Variants in STT3B observed in about 807,000 individuals in gnomAD.
STT3B encodes STT3 oligosaccharyltransferase complex catalytic subunit B, also known as dolichyl-diphosphooligosaccharide--protein glycosyltransferase subunit STT3B.
In STT3B, 29 loss-of-function variants were observed where a neutral mutation model predicts 96.8. The observed-to-expected ratio is 0.30, with a 90% CI of 0.22 to 0.41. STT3B has a LOEUF of 0.41. Ranked by LOEUF, STT3B falls within the 10% of genes least tolerant of loss-of-function variation. The pLI, the probability that STT3B is intolerant of heterozygous loss-of-function variation, is 1.00. For missense variants in STT3B, 640 were observed against 1,022.3 expected, an observed-to-expected ratio of 0.63 and a Z score of 5.10; for synonymous variants, 367 against 360.0, an observed-to-expected ratio of 1.02 and a Z score of -0.22.
intron 1 of STT3B, among the ~76,000 whole-genome samples, chr3:31,536,889 G>T (rs938756582): frequency 1.1e-4 from 16 of 152,162 alleles, no homozygotes; most frequent in African/African-American, 3.6e-4. Context: ...TATTTTTATT[G>T]TAAGAGATAA....
rs1014856045 is a variant in STT3B, at chr3:31,616,993, A to G, written c.1041A>G (p.Gln347=). ...ATCTGAGAGACCGATTAACAAAACA[A>G]GAGTTCCAGACCCTTTTCTTTTTGG... ...LQYLRDRLTK[Q]EFQTLFFLGV... The change falls in exon 7 of 16, where the codon CAA becomes CAG. Residue 347 remains glutamine (Q), a synonymous_variant. Transcript: ENST00000295770. 1.2e-6 allele frequency: 2 copies of G among 1,612,074 alleles called. No homozygotes were observed. Among genetic ancestry groups the G allele is most frequent in the Non-Finnish European group, 1.7e-6 (2 of 1,178,550 alleles).
At chr3:31,611,871 CTA>C (rs1699187708) in intron 5 of STT3B, among the ~76,000 whole-genome samples, 2 of 151,962 alleles carry the variant, frequency 1.3e-5, no homozygotes, top group South Asian at 2.1e-4. Context: ...TTCTTATTTT[CTA>C]TGTCTTAAAA....
At chr3:31,606,259 C>G (rs1248390882) in intron 5 of STT3B, among the ~76,000 whole-genome samples, 1 of 152,162 alleles carries the variant, frequency 6.6e-6, no homozygotes. Flanking sequence ...AAGCAGGCTG[C>G]AGAAATATGT....
At chr3:31,598,592 A>G (rs1244333970) in intron 4 of STT3B, among the ~76,000 whole-genome samples, 2 of 152,208 alleles carry the variant, frequency 1.3e-5, no homozygotes, top group Non-Finnish European at 2.9e-5. Context: ...GAAGAAATAA[A>G]TCCCTGTAGT....
chr3:31,537,619 C>T (rs913270803), intron 1 of STT3B, among the ~76,000 whole-genome samples: 16 of 152,136 alleles, frequency 1.1e-4, no homozygotes, highest in Non-Finnish European at 1.8e-4. Context: ...TTTCCTTCCC[C>T]CTTTATGGTT....
intron 1 of STT3B, among the ~76,000 whole-genome samples, chr3:31,562,102 C>T (rs768025306): frequency 9.9e-5 from 15 of 152,084 alleles, no homozygotes; most frequent in Non-Finnish European, 1.6e-4. Flanking sequence ...TGCATCCAGG[C>T]TGATTTTAGG....
chr3:31,611,256 T>A (rs1319480000), intron 5 of STT3B, among the ~76,000 whole-genome samples: 1 of 152,180 alleles, frequency 6.6e-6, no homozygotes, highest in Non-Finnish European at 1.5e-5. Context: ...CCCCACCAAA[T>A]GTCACATGAC....
Position 31,586,525 on chromosome 3 carries a change from G to A in STT3B, c.711+6429G>A, listed in dbSNP as rs1009890812. On this transcript the variant is annotated intron_variant, in intron 3 of 15. Transcript: ENST00000295770. ...TACTTATAGAAATTAAATAGTTTTAGGTTTAACAGTCAGGTCTGTCATCTA... is the reference window on the plus strand; with the variant it reads ...TACTTATAGAAATTAAATAGTTTTAAGTTTAACAGTCAGGTCTGTCATCTA... Among the ~76,000 whole-genome samples, 4 of 151,890 alleles carry A rather than the reference G, an allele frequency of 2.6e-5. No individual in the cohort carries two copies. In the East Asian group the frequency reaches 7.7e-4, roughly 29 times the overall value.
chr3:31,596,800 A>G lies in STT3B; in HGVS notation c.714A>G (p.Val238=), dbSNP rs1273871917. 2 of 1,609,090 alleles carry G rather than the reference A, an allele frequency of 1.2e-6. No individual in the cohort carries two copies. The highest frequency in any genetic ancestry group is 1.7e-6 in the Non-Finnish European group (2 of 1,176,532). ...FALQFTYYLW[V]KSVKTGSVFW... is the part of the protein sequence containing the mutation. ...TATCAGTTGCTTTTGTTTTTTAGGT[A>G]AAATCTGTAAAAACTGGGTCAGTTT... The change falls in exon 4 of 16, where the codon GTA becomes GTG. Residue 238 remains valine, a splice_region_variant and synonymous_variant. Coordinates refer to ENST00000295770, the MANE Select transcript of STT3B (RefSeq NM_178862.3).
chr3:31,533,227 C>T lies in STT3B; in HGVS notation c.229C>T (p.Leu77Phe). 2 of 1,486,158 alleles carry T rather than the reference C, an allele frequency of 1.3e-6. No individual in the cohort carries two copies. The highest frequency in any genetic ancestry group is 1.8e-6 in the Non-Finnish European group (2 of 1,114,832). The allele number at this position is 1,486,158 out of a possible 1,614,324, so 92.1% of individuals were successfully genotyped here. The change falls in exon 1 of 16, where the codon CTC becomes TTC. Residue 77 changes from leucine to phenylalanine, a missense_variant. Physicochemically the swap from Leu to Phe is conservative, Grantham distance 22. This residue lies in a region of STT3B where 267 missense variants were observed against 388.3 expected (regional missense o/e 0.69). Coordinates refer to ENST00000295770, the MANE Select transcript of STT3B (RefSeq NM_178862.3). ...GWQSLLSFTI[L>F]FLAWLAGFSS... ...GCAGTCGCTTCTCTCCTTCACCATC[C>T]TCTTCCTGGCCTGGCTTGCCGGCTT...
rs184695771 is a variant in STT3B at position 31,565,556 on chromosome 3, T to C, written c.315-10840T>C. Among the ~76,000 whole-genome samples, 795 of 152,326 alleles carry C rather than the reference T, an allele frequency of 5.2e-3. 8 individuals carry two copies. Among genetic ancestry groups the C allele is most frequent in the Admixed American group, 0.019 (287 of 15,300 alleles). On this transcript the variant is annotated intron_variant, in intron 1 of 15. Transcript: ENST00000295770. The stretch of plus-strand genomic sequence containing the variant: ...GAGAAGAGTTCAGTTATCTGAAGAT[T>C]GACAGTGGTTGAATTGGTTAATATA...
intron 9 of STT3B, chr3:31,620,274 CAAA>C (rs536047611): frequency 6.2e-5 from 5 of 81,048 alleles, no homozygotes; most frequent in South Asian, 4.0e-4. Context: ...GACTCTGTCT[CAAA>C]AAAAAAAAAA....
rs183149977 is a variant in STT3B, at chr3:31,620,727, A to G, written c.1327+897A>G. ...TGCTGTGGTTGTTTTGTATGAGATA[A>G]AAACTGAAACTGAGAAAAACTTTAT... On this transcript the variant is annotated intron_variant, in intron 9 of 15. Coordinates refer to ENST00000295770, the MANE Select transcript of STT3B (RefSeq NM_178862.3). 2.6e-5 allele frequency among the ~76,000 whole-genome samples: 4 copies of G among 152,332 alleles called. No homozygotes were observed. The East Asian group carries it at 7.7e-4, about 29-fold the overall frequency.
chr3:31,581,593 TTGCTAGTATTTTCCTAAGGATTTA>T (rs1408732202), intron 3 of STT3B, among the ~76,000 whole-genome samples: 1 of 152,148 alleles, frequency 6.6e-6, no homozygotes, highest in Non-Finnish European at 1.5e-5. Context: ...TGAATTTGGT[TTGCTAGTATTTTCCTAAGGATTTA>T]TGCATCTGTG....
intron 1 of STT3B, among the ~76,000 whole-genome samples, chr3:31,551,811 C>T (rs958587982): frequency 1.3e-5 from 2 of 152,138 alleles, no homozygotes; most frequent in African/African-American, 4.8e-5. Context: ...CTTTGTCTTA[C>T]CAGTAGACTT....
At chr3:31,574,005 A>G (rs1215545798) in intron 1 of STT3B, among the ~76,000 whole-genome samples, 1 of 152,158 alleles carries the variant, frequency 6.6e-6, no homozygotes, top group Admixed American at 6.6e-5. Context: ...TATAAAATGG[A>G]AAGTGAAAAA....
chr3:31,548,494 A>C lies in STT3B; in HGVS notation c.314+15182A>C, dbSNP rs547424849. ...ATTCTCAAAATAAATTTTAAAATAG[A>C]GTATACCAAACATGCTATTCTCTGA... On this transcript the variant is annotated intron_variant, in intron 1 of 15. Transcript: ENST00000295770. Among the ~76,000 whole-genome samples the C allele has an allele frequency of 1.4e-4, 22 of 152,328 alleles. No individual in the cohort carries two copies. The South Asian group carries it at 2.7e-3, about 19-fold the overall frequency.
At chr3:31,633,380 C>T (rs1699700899) in intron 15 of STT3B, among the ~76,000 whole-genome samples, 1 of 152,180 alleles carries the variant, frequency 6.6e-6, no homozygotes, top group African/African-American at 2.4e-5. Context: ...TTGGTTTGTG[C>T]TATTGCCATT....
chr3:31,539,256 A>G (rs1245660819), intron 1 of STT3B, among the ~76,000 whole-genome samples: 1 of 152,138 alleles, frequency 6.6e-6, no homozygotes. Flanking sequence ...GCACTAATTG[A>G]CCACTCTCAA....
Sources: gnomAD v4.1 joint callset for allele counts (sites outside exome capture counted in the v4.1 genomes callset) on GRCh38, gnomAD v4.1.1 for gene constraint, gnomAD v4.1.1 regional missense constraint, MANE v1.5 for transcripts, NCBI Gene and HGNC (gene_info 2026-07-23, HGNC 2026-07-21) for gene names.